EPB41L4B: variants seen among roughly 807,000 people sequenced by gnomAD.
EPB41L4B encodes band 4.1-like protein 4B.
Under a neutral mutation model 112.5 loss-of-function variants are expected in EPB41L4B, and 30 were observed. That is an observed-to-expected ratio of 0.27 (90% CI 0.20 to 0.36). The LOEUF (loss-of-function observed/expected upper bound fraction) is 0.36, where lower values mean the gene tolerates loss of function less well. Among genes scored for constraint, EPB41L4B ranks in the 10% least tolerant of loss-of-function variants. The pLI is 1.00. For missense variants in EPB41L4B, 1,024 were observed against 1,133.3 expected, an observed-to-expected ratio of 0.90 and a Z score of 1.38; for synonymous variants, 408 against 439.7, an observed-to-expected ratio of 0.93 and a Z score of 0.90.
intron 1 of EPB41L4B, among the ~76,000 whole-genome samples, chr9:109,299,953 A>G (rs1439646258): frequency 1.3e-5 from 2 of 152,226 alleles, no homozygotes; most frequent in Non-Finnish European, 2.9e-5. Flanking sequence ...CACTGCCATA[A>G]CACAACCCTA....
intron 1 of EPB41L4B, among the ~76,000 whole-genome samples, chr9:109,314,501 G>A (rs772269926): frequency 4.0e-5 from 6 of 151,710 alleles, no homozygotes; most frequent in Admixed American, 6.6e-5. Context: ...GCTAGGCTGC[G>A]GCCCCTTCCC....
intron 1 of EPB41L4B, among the ~76,000 whole-genome samples, chr9:109,282,835 C>T (rs556335399): frequency 6.6e-6 from 1 of 152,022 alleles, no homozygotes; most frequent in Non-Finnish European, 1.5e-5. Context: ...GGATTACAGG[C>T]GTGCGCCACC....
intron 15 of EPB41L4B, among the ~76,000 whole-genome samples, chr9:109,234,128 A>G (rs1834056409): frequency 1.3e-5 from 2 of 151,502 alleles, no homozygotes; most frequent in African/African-American, 2.4e-5. Context: ...AGCAAAGGCT[A>G]TGATTTGCTT....
rs376253271 is a variant in EPB41L4B, at chr9:109,263,082, G to A, written c.599C>T (p.Thr200Ile). 2.5e-6 allele frequency: 4 copies of A among 1,594,724 alleles called. No individual in the cohort carries two copies. The African/African-American group carries it at 5.4e-5, about 21-fold the overall frequency. The change falls in exon 6 of 26, where the codon ACA (threonine) becomes ATA (isoleucine). Residue 200 changes from threonine to isoleucine, a missense_variant. By Grantham distance (89) the Thr-to-Ile change is moderately conservative. Coordinates refer to ENST00000374566, the MANE Select transcript of EPB41L4B (RefSeq NM_019114.5). ...ACAGAGAGCAGCTAATTCCACAGCT[G>A]TTTCATAAGGGCATTTCAATCTTGA... ...LSGKLKCPYE[T>I]AVELAALCLQ...
chr9:109,254,050 G>A (rs548742612), intron 11 of EPB41L4B, among the ~76,000 whole-genome samples: 3 of 152,278 alleles, frequency 2.0e-5, no homozygotes, highest in East Asian at 3.9e-4. Context: ...TGCTGGTTTC[G>A]TCTGATGTAC....
chr9:109,317,684 G>A (rs1347570629), intron 1 of EPB41L4B, among the ~76,000 whole-genome samples: 1 of 152,236 alleles, frequency 6.6e-6, no homozygotes, highest in Non-Finnish European at 1.5e-5. Flanking sequence ...TTACAAAGGA[G>A]ACATTTAGCC....
chr9:109,266,989 A>G (rs927394596), intron 4 of EPB41L4B, among the ~76,000 whole-genome samples: 19 of 149,814 alleles, frequency 1.3e-4, no homozygotes, highest in Non-Finnish European at 2.8e-4. Flanking sequence ...AAAAAAAAAA[A>G]AAAAGAAATT....
rs915267842 is a variant in EPB41L4B, at chr9:109,306,619, C to T, written c.306+13522G>A. On this transcript the variant is annotated intron_variant, in intron 1 of 25. Transcript: ENST00000374566. The stretch of plus-strand genomic sequence containing the variant: ...CAGAGCGAGCAAAAAAACAAACAAA[C>T]AAACAAACAAACAAACAAAAAAACA... Among the ~76,000 whole-genome samples the T allele has an allele frequency of 4.1e-5, 6 of 146,556 alleles. No individual in the cohort carries two copies. The East Asian group carries it at 1.2e-3, about 28-fold the overall frequency.
At chr9:109,260,577 G>C (rs1226203585) in intron 6 of EPB41L4B, among the ~76,000 whole-genome samples, 1 of 152,016 alleles carries the variant, frequency 6.6e-6, no homozygotes, top group African/African-American at 2.4e-5. Flanking sequence ...ACCATGCCTG[G>C]CTAATTTTTG....
At chr9:109,195,343 C>T (rs1008108582) in intron 20 of EPB41L4B, among the ~76,000 whole-genome samples, 30 of 152,300 alleles carry the variant, frequency 2.0e-4, no homozygotes, top group African/African-American at 7.2e-4. Context: ...GAACATGAGG[C>T]CGTGAGACAA....
chr9:109,255,900 C>T (rs1834965080), intron 9 of EPB41L4B, 57 bp from the exon 10 acceptor site: 2 of 1,454,118 alleles, frequency 1.4e-6, no homozygotes, highest in African/African-American at 2.8e-5. Context: ...ATCTACACAT[C>T]AAATAGCAGT....
At chr9:109,215,711 A>G (rs533287133) in intron 16 of EPB41L4B, among the ~76,000 whole-genome samples, 10 of 152,344 alleles carry the variant, frequency 6.6e-5, no homozygotes, top group African/African-American at 2.4e-4. Flanking sequence ...CCAAAGATGA[A>G]TTCTTTGGTA....
At chr9:109,276,216 A>C (rs1835818553) in intron 2 of EPB41L4B, among the ~76,000 whole-genome samples, 1 of 150,356 alleles carries the variant, frequency 6.7e-6, no homozygotes. Context: ...TAACAAACCC[A>C]AGGCCAAACA....
chr9:109,311,034 G>A (rs969994007), intron 1 of EPB41L4B, among the ~76,000 whole-genome samples: 5 of 152,240 alleles, frequency 3.3e-5, no homozygotes, highest in Middle Eastern at 3.4e-3. Context: ...CGGGGTTTGG[G>A]GGGAGTGAAA....
At chr9:109,252,986 T>C (rs1834850937) in intron 12 of EPB41L4B, among the ~76,000 whole-genome samples, 1 of 152,098 alleles carries the variant, frequency 6.6e-6, no homozygotes, top group Non-Finnish European at 1.5e-5. Flanking sequence ...TGAGGAAAGT[T>C]TGGACTGACT....
intron 15 of EPB41L4B, among the ~76,000 whole-genome samples, chr9:109,226,949 TTC>T (rs1833803786): frequency 6.6e-6 from 1 of 151,584 alleles, no homozygotes; most frequent in South Asian, 2.1e-4. Flanking sequence ...AGCAATCTTC[TTC>T]TCTCAGCCTC....
intron 2 of EPB41L4B, 34 bp downstream of exon 2, chr9:109,279,783 A>G (rs1417009264): frequency 6.4e-7 from 1 of 1,568,062 alleles, no homozygotes; most frequent in Non-Finnish European, 8.7e-7. Flanking sequence ...TGAAAAGCCA[A>G]TCTGTTCTGA....
At position 109,172,958 on chromosome 9, in the gene EPB41L4B, A is replaced by G. The variant is rs1234677655; in HGVS notation, c.*1596T>C. 2 of 152,664 alleles carry G rather than the reference A, an allele frequency of 1.3e-5. No homozygotes were observed. Among genetic ancestry groups the G allele is most frequent in the Admixed American group, 1.3e-4 (2 of 15,284 alleles). The allele number at this position is 152,664 out of a possible 1,614,324, so 9.5% of individuals were successfully genotyped here. A position where few individuals can be genotyped will look rare whatever the true frequency, so the allele number is the denominator to read the frequency against. ...ATAAAAATACAGTTCTGATACAAAT[A>G]TATGAGATCAGTTCCTCTTAACAAG... On this transcript the variant is annotated 3_prime_UTR_variant, in exon 26 of 26. Transcript: ENST00000374566.
rs563169061 is a variant in EPB41L4B at position 109,207,004 on chromosome 9, T to C, written c.1878+920A>G. Among the ~76,000 whole-genome samples the C allele has an allele frequency of 5.9e-5, 9 of 152,324 alleles. No individual in the cohort carries two copies. The South Asian group carries it at 1.9e-3, about 32-fold the overall frequency. The stretch of plus-strand genomic sequence containing the variant: ...CTGCATGGTATCCACCTCAGACATA[T>C]CAGCACCAGCCAGCTGATGTCCCCT... On this transcript the variant is annotated intron_variant, in intron 18 of 25. Coordinates refer to ENST00000374566, the MANE Select transcript of EPB41L4B (RefSeq NM_019114.5).
Sources: allele counts gnomAD v4.1 joint callset (sites outside exome capture counted in the v4.1 genomes callset), GRCh38; gene constraint gnomAD v4.1.1; transcripts MANE v1.5; gene names NCBI Gene and HGNC (gene_info 2026-07-23, HGNC 2026-07-21).